TSPAN9: variants seen among roughly 807,000 people sequenced by gnomAD.
The protein encoded by TSPAN9 is tetraspanin-9.
TSPAN9 carries 16 observed loss-of-function variants against 31.0 expected under a neutral mutation model. The observed-to-expected ratio is 0.52, with a 90% CI of 0.35 to 0.78. The LOEUF is 0.78. TSPAN9 is among the 30% of genes least tolerant of loss of function. The probability of loss-of-function intolerance (pLI) is 0.01; values close to 1 mark genes in which losing one functional copy is unlikely to be tolerated. For missense variants in TSPAN9, 272 were observed against 312.5 expected (o/e 0.87, Z 0.98); for synonymous variants, 145 against 121.6 (o/e 1.19, Z -1.27).
chr12:3,247,319 C>T lies in TSPAN9; in HGVS notation c.64-31102C>T, dbSNP rs866841062. On this transcript the variant is annotated intron_variant, in intron 3 of 8. Transcript: ENST00000011898. Reference sequence around the variant, plus strand: ...GGCCAGCCCCCCCCCCCCCGCCACCCGCGTCCCCAAGTAGAGTGAGTGCCA... The same window carrying T: ...GGCCAGCCCCCCCCCCCCCGCCACCTGCGTCCCCAAGTAGAGTGAGTGCCA... Among the ~76,000 whole-genome samples the T allele has an allele frequency of 2.3e-4, 30 of 131,088 alleles. 1 individual carries two copies. The highest frequency in any genetic ancestry group is 7.2e-4 in the African/African-American group (26 of 35,926). The allele number at this position is 131,088 out of a possible 152,430, so 86.0% of individuals were successfully genotyped here. A position where few individuals can be genotyped will look rare whatever the true frequency, so the allele number is the denominator to read the frequency against.
chr12:3,274,327 C>T (rs1164341196), intron 3 of TSPAN9, among the ~76,000 whole-genome samples: 1 of 152,166 alleles, frequency 6.6e-6, no homozygotes, highest in African/African-American at 2.4e-5. Context: ...GAAATGATCT[C>T]GTCCAAATCC....
At chr12:3,281,442 G>A in intron 7 of TSPAN9, 113 bp downstream of exon 7, 1 of 1,404,998 alleles carries the variant, frequency 7.1e-7, no homozygotes. Context: ...GCTGAATGTG[G>A]CGGTGGGGGG....
At chr12:3,178,218 G>GT (rs1317090572) in intron 2 of TSPAN9, among the ~76,000 whole-genome samples, 1 of 151,912 alleles carries the variant, frequency 6.6e-6, no homozygotes, top group Non-Finnish European at 1.5e-5. Context: ...GCTGTGCTTT[G>GT]TTTTTTCCCT....
chr12:3,077,792 C>T (rs2098295854), intron 1 of TSPAN9, among the ~76,000 whole-genome samples: 1 of 152,120 alleles, frequency 6.6e-6, no homozygotes, highest in Non-Finnish European at 1.5e-5. Context: ...ACTGTGTGAC[C>T]CCGTGCACCG....
intron 8 of TSPAN9, chr12:3,282,098 G>A (rs1223375770): frequency 4.7e-6 from 3 of 641,314 alleles, no homozygotes; most frequent in African/African-American, 3.6e-5. Flanking sequence ...CCCCAGTTCT[G>A]CCCAAACCTT....
chr12:3,124,042 A>G (rs947724423), intron 2 of TSPAN9, among the ~76,000 whole-genome samples: 1 of 152,210 alleles, frequency 6.6e-6, no homozygotes, highest in Non-Finnish European at 1.5e-5. Flanking sequence ...TGGTGCTAGC[A>G]GTGGAGCTGC....
chr12:3,237,874 C>T (rs964951944), intron 3 of TSPAN9, among the ~76,000 whole-genome samples: 33 of 152,188 alleles, frequency 2.2e-4, no homozygotes, highest in African/African-American at 7.7e-4. Context: ...AGCTCATTTC[C>T]CTGGTGTGAA....
At chr12:3,194,997 G>A (rs969650503) in intron 2 of TSPAN9, among the ~76,000 whole-genome samples, 1 of 152,210 alleles carries the variant, frequency 6.6e-6, no homozygotes, top group Non-Finnish European at 1.5e-5. Context: ...TTTAAAAATT[G>A]GGGGGAGGTG....
intron 3 of TSPAN9, among the ~76,000 whole-genome samples, chr12:3,274,321 T>A (rs942491668): frequency 7.9e-5 from 12 of 152,150 alleles, no homozygotes; most frequent in Admixed American, 2.0e-4. Context: ...ACCTAAGAAA[T>A]GATCTCGTCC....
At chr12:3,273,348 G>A (rs1197408967) in intron 3 of TSPAN9, 1 of 152,268 alleles carries the variant, frequency 6.6e-6, no homozygotes, top group African/African-American at 2.4e-5. Flanking sequence ...GGGCAGGGGA[G>A]GCTTGGTACT....
chr12:3,125,146 T>TA (rs1491550326), intron 2 of TSPAN9: 2 of 151,220 alleles, frequency 1.3e-5, no homozygotes, highest in African/African-American at 2.4e-5. Context: ...TAATTTTTTT[T>TA]AAAAAAGAAG....
chr12:3,268,727 TCC>T (rs1265858664), intron 3 of TSPAN9, among the ~76,000 whole-genome samples: 1 of 102,834 alleles, frequency 9.7e-6, no homozygotes. Context: ...CAGCCTGCCC[TCC>T]CTGTGTTCCT....
At chr12:3,145,312 T>TGCTCTTGTTCTTCCTTGGC (rs1220366773) in intron 2 of TSPAN9, among the ~76,000 whole-genome samples, 9 of 152,218 alleles carry the variant, frequency 5.9e-5, no homozygotes, top group African/African-American at 1.9e-4. Flanking sequence ...CAGTCCATGG[T>TGCTCTTGTTCTTCCTTGGC]GCTCTTGTTC....
chr12:3,235,172 G>A (rs1297435780), intron 3 of TSPAN9, among the ~76,000 whole-genome samples: 5 of 90,706 alleles, frequency 5.5e-5, no homozygotes, highest in African/African-American at 1.8e-4. Flanking sequence ...GACAGAGCGA[G>A]ACTCCGTCTC....
chr12:3,090,380 G>A (rs2098303659), intron 2 of TSPAN9, among the ~76,000 whole-genome samples: 1 of 152,180 alleles, frequency 6.6e-6, no homozygotes, highest in Admixed American at 6.5e-5. Flanking sequence ...GTCTTGCCTG[G>A]GCTTATTAAT....
At chr12:3,265,377 G>A (rs762482787) in intron 3 of TSPAN9, among the ~76,000 whole-genome samples, 10 of 152,164 alleles carry the variant, frequency 6.6e-5, no homozygotes, top group African/African-American at 1.4e-4. Context: ...CGTCATCACC[G>A]TTTGCAGAGA....
chr12:3,115,341 T>A (rs7973849), intron 2 of TSPAN9, among the ~76,000 whole-genome samples: 48,593 of 152,108 alleles, frequency 0.32, 7,984 homozygotes, highest in Middle Eastern at 0.45. Flanking sequence ...ATTGACTGAC[T>A]TGTGAGTTAT....
At chr12:3,166,681 GA>G (rs2098348598) in intron 2 of TSPAN9, among the ~76,000 whole-genome samples, 1 of 152,238 alleles carries the variant, frequency 6.6e-6, no homozygotes. Context: ...TTGAGAAACA[GA>G]ACATTACTAA....
chr12:3,149,308 G>A (rs192760128), intron 2 of TSPAN9, among the ~76,000 whole-genome samples: 2 of 152,306 alleles, frequency 1.3e-5, no homozygotes, highest in African/African-American at 4.8e-5. Context: ...AAGGATGGGT[G>A]TATTTTGTCC....
Sources: gnomAD v4.1 joint callset for allele counts (sites outside exome capture counted in the v4.1 genomes callset) on GRCh38, gnomAD v4.1.1 for gene constraint, MANE v1.5 for transcripts, NCBI Gene and HGNC (gene_info 2026-07-23, HGNC 2026-07-21) for gene names.